CRISPLD2: variants seen among roughly 807,000 people sequenced by gnomAD.
The protein encoded by CRISPLD2 is cysteine-rich secretory protein LCCL domain-containing 2.
A neutral mutation model predicts 71.1 loss-of-function variants in CRISPLD2; 47 were observed. The observed-to-expected ratio is 0.66, with a 90% CI of 0.52 to 0.84. The LOEUF is 0.84. Ranked by LOEUF, CRISPLD2 falls within the 40% of genes least tolerant of loss-of-function variation. The probability of loss-of-function intolerance (pLI) is 0.00; values close to 1 mark genes in which losing one functional copy is unlikely to be tolerated. For synonymous variants in CRISPLD2, 317 were observed against 250.1 expected (o/e 1.27, Z -2.52); for missense variants, 830 against 651.1 (o/e 1.27, Z -2.99).
At chr16:84,866,858 C>T in intron 6 of CRISPLD2, 39 bp from the exon 7 acceptor site, 2 of 1,594,506 alleles carry the variant, frequency 1.3e-6, no homozygotes, top group Non-Finnish European at 8.6e-7. Flanking sequence ...TTGTTGAATC[C>T]CAGTGTGTTA....
intron 12 of CRISPLD2, among the ~76,000 whole-genome samples, chr16:84,878,711 G>GA (rs201114733): frequency 0.028 from 4,222 of 152,254 alleles, 214 homozygotes; most frequent in African/African-American, 0.096. Flanking sequence ...GGGAACACAG[G>GA]AACATCCTCT....
At chr16:84,876,167 G>A (rs1318335382) in intron 11 of CRISPLD2, among the ~76,000 whole-genome samples, 1 of 152,102 alleles carries the variant, frequency 6.6e-6, no homozygotes, top group African/African-American at 2.4e-5. Context: ...CAAACATAAG[G>A]ACCACAAAGC....
At chr16:84,861,264 A>G (rs1471703927) in intron 6 of CRISPLD2, among the ~76,000 whole-genome samples, 1 of 152,110 alleles carries the variant, frequency 6.6e-6, no homozygotes, top group Non-Finnish European at 1.5e-5. Flanking sequence ...TTCCTCTAGA[A>G]CCACTCCTGG....
chr16:84,849,295 C>T (rs931082264), intron 3 of CRISPLD2, 90 bp from the exon 4 acceptor site: 25 of 1,328,670 alleles, frequency 1.9e-5, no homozygotes, highest in Non-Finnish European at 2.2e-5. Flanking sequence ...TCCTCGGCCT[C>T]CCTCCCTCCT....
intron 8 of CRISPLD2, among the ~76,000 whole-genome samples, chr16:84,870,072 C>T (rs942061788): frequency 2.6e-5 from 4 of 152,202 alleles, no homozygotes; most frequent in Non-Finnish European, 4.4e-5. Context: ...TAGAAGCCGG[C>T]CCACAGTCTG....
chr16:84,848,918 G>A (rs1241230388), intron 3 of CRISPLD2, among the ~76,000 whole-genome samples: 1 of 149,386 alleles, frequency 6.7e-6, no homozygotes, highest in East Asian at 2.0e-4. Flanking sequence ...CCCGGGAGGC[G>A]GAGCTTGCAG....
chr16:84,850,688 GA>G lies in CRISPLD2; in HGVS notation c.608+6del, dbSNP rs1917064548. 6.2e-6 allele frequency: 10 copies of G among 1,610,412 alleles called. No homozygotes were observed. The highest frequency in any genetic ancestry group is 8.5e-6 in the Non-Finnish European group (10 of 1,176,552). Reference sequence around the variant, plus strand: ...TGTCTGCAATTATTCTCCAAAGTAAGACAAGTTGATGCCGTTGTATGGGGTG... The same window carrying G: ...TGTCTGCAATTATTCTCCAAAGTAAGCAAGTTGATGCCGTTGTATGGGGTG... On this transcript the variant is annotated splice_donor_region_variant and intron_variant, in intron 5 of 14. Coordinates refer to ENST00000262424, the MANE Select transcript of CRISPLD2 (RefSeq NM_031476.4).
At chr16:84,879,957 C>T (rs1326260579) in intron 12 of CRISPLD2, among the ~76,000 whole-genome samples, 1 of 152,182 alleles carries the variant, frequency 6.6e-6, no homozygotes, top group Admixed American at 6.6e-5. Context: ...CACCCATTTC[C>T]AGTTTGAGGT....
In CRISPLD2 at chr16:84,881,414, C is replaced by T. The variant is rs147051444; in HGVS notation, c.1305+830C>T. On this transcript the variant is annotated intron_variant, in intron 13 of 14. Coordinates refer to ENST00000262424, the MANE Select transcript of CRISPLD2 (RefSeq NM_031476.4). ...TAGCCCGGTTTTTCTTAGGTGGATC[C>T]TGCAGAACATTGTCTGTTCCCTCTG... Among the ~76,000 whole-genome samples the T allele has an allele frequency of 4.7e-3, 723 of 152,276 alleles. 8 individuals carry two copies. The highest frequency in any genetic ancestry group is 0.017 in the African/African-American group (696 of 41,534).
intron 6 of CRISPLD2, among the ~76,000 whole-genome samples, chr16:84,855,892 A>G (rs1278190155): frequency 6.6e-6 from 1 of 152,248 alleles, no homozygotes; most frequent in Non-Finnish European, 1.5e-5. Context: ...AAGTTAATAA[A>G]TCTTATGTCC....
intron 3 of CRISPLD2, 179 bp from the exon 4 acceptor site, chr16:84,849,206 T>C (rs999461496): frequency 1.9e-5 from 11 of 586,502 alleles, no homozygotes; most frequent in East Asian, 2.9e-5. Context: ...GCTCCTGGAA[T>C]TGGGGGCTAT....
At chr16:84,898,154 A>G (rs924799542) in intron 14 of CRISPLD2, among the ~76,000 whole-genome samples, 4 of 152,184 alleles carry the variant, frequency 2.6e-5, no homozygotes, top group African/African-American at 4.8e-5. Flanking sequence ...AAGCCTGTGC[A>G]CTTTCTTGCC....
chr16:84,902,772 C>CT (rs757030374), intron 14 of CRISPLD2, among the ~76,000 whole-genome samples: 30,668 of 85,320 alleles, frequency 0.36, 7,974 homozygotes, highest in South Asian at 0.52. Context: ...CGGCCCATTG[C>CT]TTTTTTTTTT....
At position 84,906,778 on chromosome 16, in the gene CRISPLD2, G is replaced by T; in HGVS notation, c.*136G>T. ...TGATGTTCAGTGTCCATCACTTTGT[G>T]GCCTGTGGGTGAGGTGACATCTCAT... On this transcript the variant is annotated 3_prime_UTR_variant, in exon 15 of 15. Transcript: ENST00000262424. 1 of 1,015,540 alleles carries T rather than the reference G, an allele frequency of 9.8e-7. No individual in the cohort carries two copies. Among genetic ancestry groups the T allele is most frequent in the Non-Finnish European group, 1.5e-6 (1 of 652,592 alleles). The allele number at this position is 1,015,540 out of a possible 1,614,324, so 62.9% of individuals were successfully genotyped here.
intron 14 of CRISPLD2, among the ~76,000 whole-genome samples, chr16:84,893,149 G>A (rs966227868): frequency 6.6e-6 from 1 of 152,044 alleles, no homozygotes; most frequent in South Asian, 2.1e-4. Context: ...CCGCTGCACT[G>A]GGGACACTGC....
At chr16:84,898,521 T>C (rs917426419) in intron 14 of CRISPLD2, among the ~76,000 whole-genome samples, 1 of 152,194 alleles carries the variant, frequency 6.6e-6, no homozygotes, top group Admixed American at 6.5e-5. Context: ...TGTTTTAGAC[T>C]GAAATGGCCC....
chr16:84,848,985 CAAA>C (rs11389223), intron 3 of CRISPLD2, among the ~76,000 whole-genome samples: 2 of 106,720 alleles, frequency 1.9e-5, no homozygotes, highest in Non-Finnish European at 3.6e-5. Flanking sequence ...GACTCCGTCT[CAAA>C]AAAAAAAAAA....
At chr16:84,827,882 T>C (rs1420902091) in intron 1 of CRISPLD2, among the ~76,000 whole-genome samples, 1 of 152,142 alleles carries the variant, frequency 6.6e-6, no homozygotes, top group Non-Finnish European at 1.5e-5. Context: ...TGCCCTTTCT[T>C]TAAGAGCTCA....
intron 7 of CRISPLD2, among the ~76,000 whole-genome samples, chr16:84,868,616 A>G (rs567235365): frequency 6.6e-6 from 1 of 152,354 alleles, no homozygotes; most frequent in South Asian, 2.1e-4. Context: ...CCATATGCGG[A>G]AATTGAACCT....
Sources: gnomAD v4.1 joint callset for allele counts (sites outside exome capture counted in the v4.1 genomes callset) on GRCh38, gnomAD v4.1.1 for gene constraint, MANE v1.5 for transcripts, NCBI Gene and HGNC (gene_info 2026-07-23, HGNC 2026-07-21) for gene names.